The following ZNF695 variants were observed in gnomAD, a reference collection of about 807,000 sequenced individuals.
ZNF695 encodes the protein zinc finger protein 695.
A neutral mutation model predicts 11.2 loss-of-function variants in ZNF695; 11 were observed. The observed-to-expected ratio is 0.98, with a 90% CI of 0.62 to 1.62. The LOEUF is 1.62. Among genes scored for constraint, ZNF695 ranks in the 40% most tolerant of loss-of-function variants. The probability of loss-of-function intolerance (pLI) is 0.00; values close to 1 mark genes in which losing one functional copy is unlikely to be tolerated. For synonymous variants in ZNF695, 190 were observed against 201.4 expected, an observed-to-expected ratio of 0.94 and a Z score of 0.48; for missense variants, 559 against 590.5, an observed-to-expected ratio of 0.95 and a Z score of 0.55.
chr1:246,975,101 T>C (rs960429133), intron 4 of ZNF695, among the ~76,000 whole-genome samples: 2 of 152,250 alleles, frequency 1.3e-5, no homozygotes, highest in African/African-American at 4.8e-5. Flanking sequence ...TAGTTGTTTT[T>C]GCATTTACGA....
intron 1 of ZNF695, 58 bp downstream of exon 1, chr1:247,007,848 C>G (rs1669586897): frequency 6.7e-7 from 1 of 1,502,100 alleles, no homozygotes; most frequent in African/African-American, 1.4e-5. Flanking sequence ...CCAGCCAATT[C>G]CAACCGATTC....
downstream of ZNF695, among the ~76,000 whole-genome samples, chr1:246,984,553 A>T (rs1223435078): frequency 6.6e-6 from 1 of 152,206 alleles, no homozygotes; most frequent in Admixed American, 6.5e-5. Flanking sequence ...TCTACTACAC[A>T]TCTGGCACTG....
chr1:246,991,819 A>G (rs776708152), intron 3 of ZNF695, among the ~76,000 whole-genome samples: 4 of 152,200 alleles, frequency 2.6e-5, no homozygotes, highest in Non-Finnish European at 5.9e-5. Flanking sequence ...CTGCACCCCT[A>G]TGTTGGTTCC....
chr1:246,977,623 TC>T (rs1668603491), intron 4 of ZNF695, among the ~76,000 whole-genome samples: 2 of 152,244 alleles, frequency 1.3e-5, no homozygotes, highest in South Asian at 4.1e-4. Flanking sequence ...AACACTCTCT[TC>T]CAGCATCTCT....
chr1:247,005,639 A>G (rs1669509014), intron 1 of ZNF695, among the ~76,000 whole-genome samples: 1 of 151,958 alleles, frequency 6.6e-6, no homozygotes, highest in Non-Finnish European at 1.5e-5. Flanking sequence ...GCCTGAGCCC[A>G]GGGGATGACA....
intron 5 of ZNF695, among the ~76,000 whole-genome samples, chr1:246,963,896 T>A (rs1020032282): frequency 6.6e-6 from 1 of 152,238 alleles, no homozygotes; most frequent in East Asian, 1.9e-4. Flanking sequence ...AGCCCCAGGC[T>A]GTGACCCGTG....
At chr1:246,959,307 AAAAATATATATATAT>A (rs1668096282) in intron 5 of ZNF695, among the ~76,000 whole-genome samples, 1 of 66,026 alleles carries the variant, frequency 1.5e-5, no homozygotes, top group African/African-American at 7.4e-5. Context: ...AAAAAAAAAA[AAAAATATATATATAT>A]ATATATATAT....
downstream of ZNF695, among the ~76,000 whole-genome samples, chr1:246,982,406 A>G (rs1668734022): frequency 6.6e-6 from 1 of 152,214 alleles, no homozygotes; most frequent in African/African-American, 2.4e-5. Flanking sequence ...TTCATAGAAA[A>G]TTAAATTCAA....
At chr1:246,984,690 C>T (rs1415029156), downstream of ZNF695, among the ~76,000 whole-genome samples, 1 of 151,848 alleles carries the variant, frequency 6.6e-6, no homozygotes, top group Non-Finnish European at 1.5e-5. Context: ...GTGAAAGAAA[C>T]AATAACAAAA....
intron 4 of ZNF695, among the ~76,000 whole-genome samples, chr1:246,971,054 G>A (rs180681618): frequency 1.6e-3 from 238 of 152,272 alleles, no homozygotes; most frequent in African/African-American, 5.4e-3. Context: ...ACCTAAATGC[G>A]GAGATGGGTA....
chr1:246,999,296 T>C (rs1669295299), intron 3 of ZNF695, 52 bp downstream of exon 3: 4 of 1,453,758 alleles, frequency 2.8e-6, no homozygotes, highest in Non-Finnish European at 3.9e-6. Context: ...GTCTGGCTTC[T>C]TCCTTGATCC....
chr1:246,976,621 C>G (rs539946897), intron 4 of ZNF695, among the ~76,000 whole-genome samples: 2 of 151,616 alleles, frequency 1.3e-5, no homozygotes, highest in East Asian at 1.9e-4. Flanking sequence ...GGTGAAACCC[C>G]GTCTCTACTA....
chr1:246,996,774 CA>C (rs914534911), intron 3 of ZNF695, among the ~76,000 whole-genome samples: 4 of 151,986 alleles, frequency 2.6e-5, no homozygotes, highest in African/African-American at 9.7e-5. Flanking sequence ...AACCCAGTCA[CA>C]AAAAGATAGA....
intron 1 of ZNF695, among the ~76,000 whole-genome samples, chr1:247,001,401 TAA>T (rs879583817): frequency 2.8e-5 from 4 of 141,106 alleles, no homozygotes; most frequent in African/African-American, 2.6e-5. Flanking sequence ...GTCTCTGTTT[TAA>T]AAAAAAAAAA....
intron 5 of ZNF695, among the ~76,000 whole-genome samples, chr1:246,963,028 T>C (rs1471091573): frequency 6.6e-6 from 1 of 152,144 alleles, no homozygotes; most frequent in African/African-American, 2.4e-5. Context: ...TCCAAACACC[T>C]TAGCAGGCAA....
intron 3 of ZNF695, among the ~76,000 whole-genome samples, chr1:246,994,115 A>T (rs1407320107): frequency 2.6e-5 from 4 of 152,166 alleles, no homozygotes; most frequent in Non-Finnish European, 4.4e-5. Flanking sequence ...GCGGAGGAAC[A>T]AAAGCGTAAA....
intron 5 of ZNF695, chr1:246,967,309 G>C: frequency 2.2e-6 from 1 of 455,146 alleles, no homozygotes. Context: ...AGAAGACAAG[G>C]GTAGAGGCAA....
At chr1:246,975,987 G>GA (rs1363469128) in intron 4 of ZNF695, among the ~76,000 whole-genome samples, 5 of 152,226 alleles carry the variant, frequency 3.3e-5, no homozygotes, top group Non-Finnish European at 4.4e-5. Flanking sequence ...TCTCTGAAGG[G>GA]AAATCTCAAG....
intron 1 of ZNF695, 99 bp downstream of exon 1, chr1:247,007,807 G>T: frequency 7.2e-7 from 1 of 1,389,496 alleles, no homozygotes; most frequent in East Asian, 2.7e-5. Flanking sequence ...GGAGCCGACC[G>T]CCGGGAGGCC....
Sources: allele counts gnomAD v4.1 joint callset (sites outside exome capture counted in the v4.1 genomes callset), GRCh38; gene constraint gnomAD v4.1.1; transcripts MANE v1.5; gene names NCBI Gene and HGNC (gene_info 2026-07-23, HGNC 2026-07-21).